The following ADAM7 variants were observed in gnomAD, a reference collection of about 807,000 sequenced individuals.
The protein encoded by ADAM7 is ADAM metallopeptidase domain 7.
Under a neutral mutation model 102.9 loss-of-function variants are expected in ADAM7, and 97 were observed. The observed-to-expected ratio is 0.94, with a 90% CI of 0.80 to 1.12. The LOEUF (loss-of-function observed/expected upper bound fraction) is 1.12, where lower values mean the gene tolerates loss of function less well. Among genes scored for constraint, ADAM7 ranks in the 50% most tolerant of loss-of-function variants. The pLI, the probability that ADAM7 is intolerant of heterozygous loss-of-function variation, is 0.00. For missense variants in ADAM7, 991 were observed against 908.7 expected (o/e 1.09, Z -1.16); for synonymous variants, 334 against 304.4 (o/e 1.10, Z -1.01).
intron 3 of ADAM7, among the ~76,000 whole-genome samples, chr8:24,460,313 G>A (rs1436001624): frequency 6.6e-6 from 1 of 151,782 alleles, no homozygotes; most frequent in Non-Finnish European, 1.5e-5. Context: ...ATTTTTAATA[G>A]GAATGTTAAC....
At chr8:24,504,544 C>G (rs967474438) in intron 20 of ADAM7, among the ~76,000 whole-genome samples, 1 of 151,998 alleles carries the variant, frequency 6.6e-6, no homozygotes, top group Non-Finnish European at 1.5e-5. Flanking sequence ...AAGAAGGGAT[C>G]GAAAGGCCCA....
intron 9 of ADAM7, among the ~76,000 whole-genome samples, chr8:24,483,150 C>T (rs1287023581): frequency 6.6e-6 from 1 of 152,116 alleles, no homozygotes; most frequent in Non-Finnish European, 1.5e-5. Flanking sequence ...GTGACTTTGT[C>T]TAGACCACTC....
Position 24,475,118 on chromosome 8 carries a change from C to A in ADAM7, c.634-1315C>A, listed in dbSNP as rs552672283. Among the ~76,000 whole-genome samples the A allele has an allele frequency of 5.9e-5, 9 of 152,290 alleles. No homozygotes were observed. In the East Asian group the frequency reaches 1.7e-3, roughly 29 times the overall value. On this transcript the variant is annotated intron_variant, in intron 7 of 21. Coordinates refer to ENST00000175238, the MANE Select transcript of ADAM7 (RefSeq NM_003817.4). ...AAAAAGAAGAGCAGAACACAAATGT[C>A]TGAATCCTGGGAAACACCCATCATT...
Position 24,509,002 on chromosome 8 carries a change from A to G in ADAM7, c.*456A>G. Reference sequence around the variant, plus strand: ...TAGCACTAATTCTGGTTTAAATGAAAGTCCTGCAGAAATGCCAAAGAAGGC... The same window carrying G: ...TAGCACTAATTCTGGTTTAAATGAAGGTCCTGCAGAAATGCCAAAGAAGGC... On this transcript the variant is annotated 3_prime_UTR_variant, in exon 22 of 22. Transcript: ENST00000175238. The G allele has an allele frequency of 4.0e-6, 4 of 992,472 alleles. No individual in the cohort carries two copies. Among genetic ancestry groups the G allele is most frequent in the Non-Finnish European group, 4.8e-6 (4 of 834,676 alleles). 61.5% of individuals were successfully genotyped at this position (992,472 alleles called of 1,614,324 possible). A position where few individuals can be genotyped will look rare whatever the true frequency, so the allele number is the denominator to read the frequency against.
In ADAM7 at chr8:24,449,748, G is replaced by A. The variant is rs573139760; in HGVS notation, c.233+2486G>A. ...CCATGCCTATGTCCTGAATGGTAATGCCTAGGTTTTCTTCTAGGGTTTTTA... is the reference window on the plus strand; with the variant it reads ...CCATGCCTATGTCCTGAATGGTAATACCTAGGTTTTCTTCTAGGGTTTTTA... On this transcript the variant is annotated intron_variant, in intron 3 of 21. Transcript: ENST00000175238. Among the ~76,000 whole-genome samples, 33 of 152,312 alleles carry A rather than the reference G, an allele frequency of 2.2e-4. 1 individual carries two copies. The South Asian group carries it at 6.8e-3, about 32-fold the overall frequency.
chr8:24,465,586 G>T (rs1819397441), intron 4 of ADAM7, 113 bp from the exon 5 acceptor site: 2 of 543,140 alleles, frequency 3.7e-6, no homozygotes, highest in Non-Finnish European at 5.8e-6. Flanking sequence ...AAATATCAAT[G>T]CAATTTGTCA....
chr8:24,492,452 G>A (rs760955382), intron 14 of ADAM7, 43 bp from the exon 15 acceptor site: 2 of 1,361,282 alleles, frequency 1.5e-6, no homozygotes, highest in South Asian at 1.3e-5. Flanking sequence ...ATTCATGATA[G>A]TCATGCTTTA....
chr8:24,450,955 T>A (rs1430222838), intron 3 of ADAM7, among the ~76,000 whole-genome samples: 1 of 152,210 alleles, frequency 6.6e-6, no homozygotes. Context: ...ATTACATTTA[T>A]TGATTTGCGT....
Position 24,485,303 on chromosome 8 carries a change from A to G in ADAM7, c.902A>G (p.Gln301Arg), listed in dbSNP as rs1264540801. 3 of 1,613,520 alleles carry G rather than the reference A, an allele frequency of 1.9e-6. No homozygotes were observed. The African/African-American group carries it at 4.0e-5, about 22-fold the overall frequency. Reference sequence around the variant, plus strand: ...GGGAAGTGGCTCTACTCACATGTGCAAGGAATTTCTTATCCAGGGGGTATG... The same window carrying G: ...GGGAAGTGGCTCTACTCACATGTGCGAGGAATTTCTTATCCAGGGGGTATG... ...LSGKWLYSHV[Q>R]GISYPGGMCL... The change falls in exon 10 of 22, where the codon CAA (glutamine) becomes CGA (arginine). Residue 301 changes from glutamine to arginine, a missense_variant. Gln to Arg is a conservative substitution (Grantham distance 43, BLOSUM62 1). Coordinates refer to ENST00000175238, the MANE Select transcript of ADAM7 (RefSeq NM_003817.4).
rs996420249 is a variant in ADAM7, at chr8:24,508,574, G to A, written c.*28G>A. 19 of 1,613,160 alleles carry A rather than the reference G, an allele frequency of 1.2e-5. No homozygotes were observed. Among genetic ancestry groups the A allele is most frequent in the Admixed American group, 1.7e-5 (1 of 59,938 alleles). ...TTGAAGTTGGATATCCAAAATGGCC[G>A]TGCAAGCTTAGGCTGGGGATTCTGG... On this transcript the variant is annotated 3_prime_UTR_variant, in exon 22 of 22. Transcript: ENST00000175238.
intron 7 of ADAM7, among the ~76,000 whole-genome samples, chr8:24,472,277 C>T (rs1427728766): frequency 6.6e-6 from 1 of 151,468 alleles, no homozygotes; most frequent in Admixed American, 6.6e-5. Context: ...GATATACTAC[C>T]TTGCATTTAA....
At chr8:24,474,881 C>A (rs1819718324) in intron 7 of ADAM7, among the ~76,000 whole-genome samples, 1 of 152,018 alleles carries the variant, frequency 6.6e-6, no homozygotes, top group Non-Finnish European at 1.5e-5. Flanking sequence ...GGTGACAGAG[C>A]AAGACCTTGT....
intron 20 of ADAM7, among the ~76,000 whole-genome samples, chr8:24,505,802 G>A (rs1291684120): frequency 6.6e-6 from 1 of 152,100 alleles, no homozygotes; most frequent in African/African-American, 2.4e-5. Context: ...AAATTGTGGA[G>A]TTTCTCAAAG....
intron 13 of ADAM7, among the ~76,000 whole-genome samples, chr8:24,491,671 C>G (rs1820361084): frequency 6.6e-6 from 1 of 152,158 alleles, no homozygotes; most frequent in African/African-American, 2.4e-5. Flanking sequence ...CATCCCAACT[C>G]TCCCTAAGGC....
At chr8:24,508,441 C>T in intron 21 of ADAM7, 105 bp from the exon 22 acceptor site, 2 of 1,180,274 alleles carry the variant, frequency 1.7e-6, no homozygotes, top group South Asian at 1.3e-5. Context: ...GACTACAGAA[C>T]ACAGAAAGGT....
At chr8:24,500,370 G>A in intron 18 of ADAM7, 114 bp downstream of exon 18, 1 of 932,012 alleles carries the variant, frequency 1.1e-6, no homozygotes, top group Non-Finnish European at 1.6e-6. Context: ...GGATTTGTAT[G>A]GTCTTCATAT....
intron 11 of ADAM7, among the ~76,000 whole-genome samples, chr8:24,487,565 G>A (rs1820184990): frequency 6.6e-6 from 1 of 151,402 alleles, no homozygotes; most frequent in African/African-American, 2.4e-5. Context: ...AATTCGGGAG[G>A]CGGAGGTTGC....
At chr8:24,495,777 A>G (rs1227158846) in intron 16 of ADAM7, among the ~76,000 whole-genome samples, 14 of 152,186 alleles carry the variant, frequency 9.2e-5, no homozygotes, top group Non-Finnish European at 4.4e-5. Context: ...CAAAGCATTC[A>G]ATAGGTGACT....
intron 21 of ADAM7, 130 bp from the exon 22 acceptor site, chr8:24,508,416 C>A: frequency 1.1e-6 from 1 of 872,628 alleles, no homozygotes; most frequent in Non-Finnish European, 1.8e-6. Context: ...TCTATAAAAG[C>A]ATGAATAAAT....
Sources: gnomAD v4.1 joint callset for allele counts (sites outside exome capture counted in the v4.1 genomes callset) on GRCh38, gnomAD v4.1.1 for gene constraint, MANE v1.5 for transcripts, NCBI Gene and HGNC (gene_info 2026-07-23, HGNC 2026-07-21) for gene names.